Variants in PTPRT observed in about 807,000 individuals in gnomAD.
The protein encoded by PTPRT is protein tyrosine phosphatase receptor type T.
Under a neutral mutation model 176.8 loss-of-function variants are expected in PTPRT, and 56 were observed. That is an observed-to-expected ratio of 0.32 (90% CI 0.26 to 0.40). The LOEUF is 0.40. Among genes scored for constraint, PTPRT ranks in the 10% least tolerant of loss-of-function variants. The pLI is 1.00. For synonymous variants in PTPRT, 783 were observed against 739.0 expected (o/e 1.06, Z -0.96); for missense variants, 1,540 against 1,908.2 (o/e 0.81, Z 3.60).
intron 2 of PTPRT, among the ~76,000 whole-genome samples, chr20:42,875,857 G>A (rs769635098): frequency 1.4e-4 from 21 of 152,182 alleles, no homozygotes; most frequent in Non-Finnish European, 2.6e-4. Flanking sequence ...CAAGTTTTCT[G>A]TGCCTAGGTT....
chr20:42,915,722 G>C (rs1244943188), intron 1 of PTPRT, among the ~76,000 whole-genome samples: 1 of 152,058 alleles, frequency 6.6e-6, no homozygotes, highest in Non-Finnish European at 1.5e-5. Flanking sequence ...CTCCTGAGTA[G>C]CTGGGACTAC....
chr20:43,121,581 C>A (rs1356992481), intron 1 of PTPRT, among the ~76,000 whole-genome samples: 1 of 152,122 alleles, frequency 6.6e-6, no homozygotes, highest in Admixed American at 6.5e-5. Flanking sequence ...AGATTCAGCA[C>A]CTGTGCATAT....
intron 1 of PTPRT, among the ~76,000 whole-genome samples, chr20:42,896,295 A>G (rs1173686368): frequency 3.3e-5 from 5 of 151,948 alleles, no homozygotes; most frequent in Non-Finnish European, 7.4e-5. Context: ...CAAAATTTGG[A>G]GCGCCCCTTG....
intron 11 of PTPRT, among the ~76,000 whole-genome samples, chr20:42,343,545 C>T (rs1003704628): frequency 6.6e-6 from 1 of 152,234 alleles, no homozygotes; most frequent in Admixed American, 6.5e-5. Flanking sequence ...TTAACCCCGA[C>T]TGTGCTGGCC....
rs1021913815 is a variant in PTPRT at position 42,168,629 on chromosome 20, C to T, written c.2492-7087G>A. Among the ~76,000 whole-genome samples, 5 of 152,206 alleles carry T rather than the reference C, an allele frequency of 3.3e-5. 1 individual carries two copies. The highest frequency in any genetic ancestry group is 3.3e-4 in the Admixed American group (5 of 15,280). ...TATATTTCAACTGCTAAAAATTTCT[C>T]GAAAATCCCTCTCTCAATTGATTCA... On this transcript the variant is annotated intron_variant, in intron 16 of 30. Coordinates refer to ENST00000373187, the MANE Select transcript of PTPRT (RefSeq NM_007050.6).
chr20:42,153,631 G>A (rs988393800), intron 17 of PTPRT, among the ~76,000 whole-genome samples: 5 of 152,136 alleles, frequency 3.3e-5, no homozygotes, highest in Admixed American at 6.5e-5. Context: ...AATCTCACAC[G>A]AGGGTACCTC....
chr20:42,851,563 G>A (rs955601768), intron 2 of PTPRT, among the ~76,000 whole-genome samples: 1 of 152,128 alleles, frequency 6.6e-6, no homozygotes, highest in African/African-American at 2.4e-5. Context: ...CCCAACCATA[G>A]AGAATAAGAT....
chr20:42,686,789 G>C (rs1463950981), intron 6 of PTPRT, among the ~76,000 whole-genome samples: 1 of 152,130 alleles, frequency 6.6e-6, no homozygotes, highest in East Asian at 1.9e-4. Context: ...ACCCTGCTCA[G>C]CCCATAGTGC....
At chr20:43,007,199 G>A (rs1984898965) in intron 1 of PTPRT, among the ~76,000 whole-genome samples, 1 of 152,190 alleles carries the variant, frequency 6.6e-6, no homozygotes, top group Admixed American at 6.5e-5. Flanking sequence ...AGTGAAAGCT[G>A]TCTCCTAACT....
chr20:42,386,511 C>A (rs1371296693), intron 9 of PTPRT, among the ~76,000 whole-genome samples: 1 of 152,134 alleles, frequency 6.6e-6, no homozygotes, highest in Non-Finnish European at 1.5e-5. Flanking sequence ...ACTGGACAAA[C>A]CAAAGGGAAG....
chr20:42,421,884 C>A (rs2059121890), intron 9 of PTPRT, among the ~76,000 whole-genome samples: 1 of 151,974 alleles, frequency 6.6e-6, no homozygotes, highest in Non-Finnish European at 1.5e-5. Context: ...AATAGAGAAC[C>A]CAGATATAAG....
chr20:42,535,227 A>G (rs1428015672), intron 7 of PTPRT, among the ~76,000 whole-genome samples: 1 of 152,212 alleles, frequency 6.6e-6, no homozygotes, highest in Non-Finnish European at 1.5e-5. Context: ...CACAGGATAG[A>G]AAACTGAATA....
chr20:42,655,246 T>C (rs1242886876), intron 7 of PTPRT, among the ~76,000 whole-genome samples: 2 of 152,158 alleles, frequency 1.3e-5, no homozygotes, highest in African/African-American at 2.4e-5. Flanking sequence ...TCCCAGCACA[T>C]TGGGAGGCCA....
intron 7 of PTPRT, among the ~76,000 whole-genome samples, chr20:42,589,898 G>A (rs867853768): frequency 1.8e-4 from 27 of 152,216 alleles, no homozygotes; most frequent in African/African-American, 5.8e-4. Flanking sequence ...TCATGACCAC[G>A]CCACTTATCC....
chr20:42,100,412 C>T (rs1985818710), intron 26 of PTPRT, among the ~76,000 whole-genome samples: 1 of 152,206 alleles, frequency 6.6e-6, no homozygotes, highest in Admixed American at 6.5e-5. Flanking sequence ...AATGCACTGA[C>T]TGGGCTGGAA....
At chr20:42,917,423 T>C (rs1323155402) in intron 1 of PTPRT, among the ~76,000 whole-genome samples, 2 of 152,202 alleles carry the variant, frequency 1.3e-5, no homozygotes, top group African/African-American at 4.8e-5. Context: ...TCTTTTGGCT[T>C]AGGATTGACT....
intron 7 of PTPRT, among the ~76,000 whole-genome samples, chr20:42,519,756 C>A (rs1424409943): frequency 6.6e-6 from 1 of 151,962 alleles, no homozygotes; most frequent in African/African-American, 2.4e-5. Flanking sequence ...ACATAGAATT[C>A]TTTAATTTTT....
At chr20:43,188,751 G>GGC (rs1555845638) in intron 1 of PTPRT, among the ~76,000 whole-genome samples, 2 of 142,184 alleles carry the variant, frequency 1.4e-5, no homozygotes, top group African/African-American at 5.5e-5. Context: ...GCTACTCTTG[G>GGC]GGGGGGGGGG....
intron 11 of PTPRT, among the ~76,000 whole-genome samples, chr20:42,332,773 AC>A (rs1366903191): frequency 2.0e-5 from 3 of 152,228 alleles, no homozygotes; most frequent in African/African-American, 4.8e-5. Flanking sequence ...GCCACTGTGA[AC>A]TGTAAAGATC....
Sources: allele counts gnomAD v4.1 joint callset (sites outside exome capture counted in the v4.1 genomes callset), GRCh38; gene constraint gnomAD v4.1.1; transcripts MANE v1.5; gene names NCBI Gene and HGNC (gene_info 2026-07-23, HGNC 2026-07-21).